The following POLDIP3 variants were observed in gnomAD, a reference collection of about 807,000 sequenced individuals.
The protein encoded by POLDIP3 is DNA polymerase delta interacting protein 3, also known as polymerase delta-interacting protein 3.
In POLDIP3, 14 loss-of-function variants were observed where a neutral mutation model predicts 45.1. That is an observed-to-expected ratio of 0.31 (90% confidence interval 0.20 to 0.49). POLDIP3 has a LOEUF of 0.49. Ranked by LOEUF, POLDIP3 falls within the 20% of genes least tolerant of loss-of-function variation. POLDIP3 has a pLI of 0.99. For missense variants in POLDIP3, 511 were observed against 538.8 expected (o/e 0.95, Z 0.51); for synonymous variants, 223 against 205.2 (o/e 1.09, Z -0.74).
chr22:42,607,044 C>G (rs1013487940), intron 1 of POLDIP3, among the ~76,000 whole-genome samples: 5 of 152,152 alleles, frequency 3.3e-5, no homozygotes, highest in African/African-American at 9.7e-5. Flanking sequence ...GCGGGCAGAT[C>G]GCTTGAGCCC....
intron 7 of POLDIP3, among the ~76,000 whole-genome samples, chr22:42,588,202 T>A (rs935571962): frequency 2.0e-5 from 3 of 152,138 alleles, no homozygotes; most frequent in African/African-American, 7.2e-5. Flanking sequence ...ACGCCTGTAA[T>A]CCCAGCACTT....
chr22:42,590,120 G>C (rs1925574343), intron 7 of POLDIP3, among the ~76,000 whole-genome samples: 1 of 152,150 alleles, frequency 6.6e-6, no homozygotes, highest in Non-Finnish European at 1.5e-5. Flanking sequence ...AATTCAAGAT[G>C]AATGAAAATG....
At chr22:42,608,335 A>G (rs1457047252) in intron 1 of POLDIP3, among the ~76,000 whole-genome samples, 1 of 146,410 alleles carries the variant, frequency 6.8e-6, no homozygotes, top group Non-Finnish European at 1.5e-5. Context: ...AGGCAGGAGG[A>G]TCAACTAAGC....
chr22:42,592,210 G>T, intron 6 of POLDIP3, 126 bp from the exon 7 acceptor site: 1 of 1,402,520 alleles, frequency 7.1e-7, no homozygotes, highest in Non-Finnish European at 9.8e-7. Context: ...TGAGACTGCG[G>T]GGAGGCTCCA....
rs781392746 is a variant in POLDIP3 at position 42,585,184 on chromosome 22, G to GT, written c.*606dup. 2.0e-6 allele frequency: 1 copy of GT among 494,454 alleles called. No individual in the cohort carries two copies. Among genetic ancestry groups the GT allele is most frequent in the Non-Finnish European group, 4.0e-6 (1 of 248,532 alleles). 30.6% of individuals were successfully genotyped at this position (494,454 alleles called of 1,614,324 possible). On this transcript the variant is annotated 3_prime_UTR_variant, in exon 9 of 9. Coordinates refer to ENST00000252115, the MANE Select transcript of POLDIP3 (RefSeq NM_032311.5). ...GAGCTTAGATAGACTCTTCCCAGCG[G>GT]TGCAGCCTCATCCTGCCCTTGCCAC...
chr22:42,584,786 G>A lies in POLDIP3; in HGVS notation c.*1005C>T. ...TAAGTGGGAACAAACAGTGCCCCTT[G>A]GTGGCAGCTGGATATATGCCTCCAG... is the stretch of plus-strand genomic sequence containing the variant. On this transcript the variant is annotated 3_prime_UTR_variant, in exon 9 of 9. Coordinates refer to ENST00000252115, the MANE Select transcript of POLDIP3 (RefSeq NM_032311.5). 1 of 400,210 alleles carries A rather than the reference G, an allele frequency of 2.5e-6. No individual in the cohort carries two copies. The highest frequency in any genetic ancestry group is 4.9e-6 in the Non-Finnish European group (1 of 202,776). 24.8% of individuals were successfully genotyped at this position (400,210 alleles called of 1,614,324 possible).
chr22:42,603,239 C>T, intron 1 of POLDIP3, 79 bp from the exon 2 acceptor site: 1 of 1,490,722 alleles, frequency 6.7e-7, no homozygotes, highest in Middle Eastern at 1.8e-4. Context: ...TGTGGTAACA[C>T]TGGGGACAGA....
chr22:42,591,032 C>G (rs1925633514), intron 7 of POLDIP3, among the ~76,000 whole-genome samples: 1 of 150,326 alleles, frequency 6.7e-6, no homozygotes, highest in Non-Finnish European at 1.5e-5. Flanking sequence ...TGAGATCACG[C>G]CACTGCACCC....
chr22:42,596,258 T>C lies in POLDIP3; in HGVS notation c.741A>G (p.Thr247=), dbSNP rs778541505. ...TAPALPSSIR[T]KALTNMSRTL... Reference sequence around the variant, plus strand: ...TCCGGGACATGTTGGTCAAGGCTTTTGTTCGAATAGAGGAAGGGAGAGCAG... The same window carrying C: ...TCCGGGACATGTTGGTCAAGGCTTTCGTTCGAATAGAGGAAGGGAGAGCAG... The change falls in exon 5 of 9, where the codon ACA becomes ACG. Residue 247 remains threonine (T), a synonymous_variant. Transcript: ENST00000252115. The C allele has an allele frequency of 1.7e-5, 28 of 1,614,216 alleles. No individual in the cohort carries two copies. The East Asian group carries it at 5.8e-4, about 33-fold the overall frequency.
At chr22:42,596,574 C>T (rs748787489) in intron 4 of POLDIP3, among the ~76,000 whole-genome samples, 8 of 152,144 alleles carry the variant, frequency 5.3e-5, no homozygotes, top group Non-Finnish European at 7.4e-5. Flanking sequence ...ACAGCCTGAA[C>T]GCGCACTCAC....
chr22:42,592,774 CATT>C lies in POLDIP3; in HGVS notation c.892-693_892-691del, dbSNP rs141827103. Among the ~76,000 whole-genome samples the C allele has an allele frequency of 1.0e-3, 156 of 152,316 alleles. 1 individual carries two copies. The highest frequency in any genetic ancestry group is 3.4e-3 in the African/African-American group (141 of 41,564). On this transcript the variant is annotated intron_variant, in intron 6 of 8. Transcript: ENST00000252115. ...TTTTAAGGCAGTGCTTTGCACACAT[CATT>C]GAGTCCGATCTCCACCTCATTTTAC...
chr22:42,611,464 C>A (rs573525191), intron 1 of POLDIP3, among the ~76,000 whole-genome samples: 1 of 152,178 alleles, frequency 6.6e-6, no homozygotes, highest in African/African-American at 2.4e-5. Flanking sequence ...GTTATTTACA[C>A]TTCCACAAGC....
In POLDIP3 at chr22:42,602,832, C is replaced by T; in HGVS notation, c.388G>A (p.Ala130Thr). Reference protein sequence around the residue: ...KISLKRSSPAAFINPPIGTVT... With the variant: ...KISLKRSSPATFINPPIGTVT... ...GTCCCAATGGGTGGGTTTATGAAGG[C>T]AGCAGGGGAACTCCTCTTCAAGCTG... The change falls in exon 2 of 9, where the codon GCC (alanine) becomes ACC (threonine). Residue 130 changes from alanine to threonine, a missense_variant. By Grantham distance (58) the Ala-to-Thr change is moderately conservative (BLOSUM62 0). Transcript: ENST00000252115. The T allele has an allele frequency of 1.9e-6, 3 of 1,612,478 alleles. No individual in the cohort carries two copies. In the South Asian group the frequency reaches 3.3e-5, roughly 18 times the overall value.
intron 1 of POLDIP3, among the ~76,000 whole-genome samples, chr22:42,612,901 T>C (rs149357477): frequency 6.6e-6 from 1 of 152,260 alleles, no homozygotes; most frequent in East Asian, 1.9e-4. Flanking sequence ...GTGAGGAAAC[T>C]GCCTAGTTCA....
rs778165148 is a variant in POLDIP3, at chr22:42,599,627, G to C, written c.633+71C>G. 3 of 1,165,416 alleles carry C rather than the reference G, an allele frequency of 2.6e-6. No homozygotes were observed. The South Asian group carries it at 3.8e-5, about 15-fold the overall frequency. The allele number at this position is 1,165,416 out of a possible 1,614,324, so 72.2% of individuals were successfully genotyped here. A position where few individuals can be genotyped will look rare whatever the true frequency, so the allele number is the denominator to read the frequency against. ...CGTCTCAAAACAAAAAAAACAACAG[G>C]TTCTATTCAACACGACCTCTCCCAC... is the stretch of plus-strand genomic sequence containing the variant. On this transcript the variant is annotated intron_variant, in intron 4 of 8. Transcript: ENST00000252115.
chr22:42,602,299 C>T (rs895692232), intron 2 of POLDIP3, among the ~76,000 whole-genome samples: 1 of 152,250 alleles, frequency 6.6e-6, no homozygotes, highest in African/African-American at 2.4e-5. Flanking sequence ...GTGGCCGCTG[C>T]TGTTCCTATT....
At chr22:42,614,050 C>T (rs1467598568) in intron 1 of POLDIP3, among the ~76,000 whole-genome samples, 1 of 152,150 alleles carries the variant, frequency 6.6e-6, no homozygotes. Flanking sequence ...AAGGAAATAA[C>T]CAATCTCCTG....
intron 1 of POLDIP3, 84 bp downstream of exon 1, chr22:42,614,715 G>A (rs1927370214): frequency 6.8e-7 from 1 of 1,479,070 alleles, no homozygotes; most frequent in Non-Finnish European, 9.4e-7. Context: ...GGTCCTCCGC[G>A]TCGCTCCCGG....
intron 4 of POLDIP3, among the ~76,000 whole-genome samples, chr22:42,599,395 G>A (rs1349996829): frequency 1.3e-5 from 2 of 152,262 alleles, no homozygotes; most frequent in South Asian, 4.1e-4. Context: ...CCTGAGGTCA[G>A]GAGTTTGAGA....
Sources: gnomAD v4.1 joint callset for allele counts (sites outside exome capture counted in the v4.1 genomes callset) on GRCh38, gnomAD v4.1.1 for gene constraint, MANE v1.5 for transcripts, NCBI Gene and HGNC (gene_info 2026-07-23, HGNC 2026-07-21) for gene names.